Variants in GRIA4 observed in about 807,000 individuals in gnomAD.
GRIA4 encodes glutamate receptor 4.
GRIA4 carries 34 observed loss-of-function variants against 104.0 expected under a neutral mutation model. The ratio of observed to expected loss-of-function variants is 0.33; its 90% CI spans 0.25 to 0.44. The LOEUF is 0.44. Among genes scored for constraint, GRIA4 ranks in the 20% least tolerant of loss-of-function variants. The pLI is 1.00. For synonymous variants in GRIA4, 386 were observed against 381.9 expected, an observed-to-expected ratio of 1.01 and a Z score of -0.13; for missense variants, 750 against 1,096.5, an observed-to-expected ratio of 0.68 and a Z score of 4.46.
rs533423091 is a variant in GRIA4, at chr11:105,815,603, C to T, written c.488-46421C>T. Among the ~76,000 whole-genome samples, 43 of 151,788 alleles carry T rather than the reference C, an allele frequency of 2.8e-4. 1 individual carries two copies. The East Asian group carries it at 7.2e-3, about 25-fold the overall frequency. ...TTGATGCCGCTCCAGCTGTTACTGCCGAAAGCTGAGTGCAAAACTTTTAAA... is the reference window on the plus strand; with the variant it reads ...TTGATGCCGCTCCAGCTGTTACTGCTGAAAGCTGAGTGCAAAACTTTTAAA... On this transcript the variant is annotated intron_variant, in intron 4 of 16. Transcript: ENST00000282499.
chr11:105,627,282 T>C (rs1950910826), intron 3 of GRIA4, among the ~76,000 whole-genome samples: 3 of 150,316 alleles, frequency 2.0e-5, no homozygotes, highest in African/African-American at 7.4e-5. Flanking sequence ...GAGAATAGAG[T>C]AGGGGTAGGG....
intron 4 of GRIA4, among the ~76,000 whole-genome samples, chr11:105,767,827 G>A (rs1470683423): frequency 6.6e-6 from 1 of 152,124 alleles, no homozygotes; most frequent in Non-Finnish European, 1.5e-5. Flanking sequence ...CACACAGGGA[G>A]TGGCAGTTCC....
chr11:105,965,335 T>C (rs1220068895), intron 14 of GRIA4, among the ~76,000 whole-genome samples: 5 of 97,968 alleles, frequency 5.1e-5, no homozygotes, highest in African/African-American at 1.9e-4. Context: ...AATTTAGATG[T>C]AAGAATTTTT....
At chr11:105,700,224 C>A (rs1212616642) in intron 3 of GRIA4, among the ~76,000 whole-genome samples, 1 of 152,182 alleles carries the variant, frequency 6.6e-6, no homozygotes, top group Non-Finnish European at 1.5e-5. Flanking sequence ...TGATGTGATG[C>A]ATTAATTATG....
At chr11:105,782,367 C>T (rs1210228225) in intron 4 of GRIA4, among the ~76,000 whole-genome samples, 1 of 152,174 alleles carries the variant, frequency 6.6e-6, no homozygotes, top group African/African-American at 2.4e-5. Flanking sequence ...AAATCCTCAG[C>T]TTCTCTGAGA....
intron 4 of GRIA4, among the ~76,000 whole-genome samples, chr11:105,808,715 G>A (rs1004568061): frequency 6.6e-6 from 1 of 151,990 alleles, no homozygotes; most frequent in African/African-American, 2.4e-5. Flanking sequence ...TGGCTAACCT[G>A]TCTCACAAGT....
intron 3 of GRIA4, among the ~76,000 whole-genome samples, chr11:105,724,713 C>A (rs1938083134): frequency 6.6e-6 from 1 of 152,054 alleles, no homozygotes; most frequent in African/African-American, 2.4e-5. Context: ...GAAGAATACA[C>A]TAAAAGCCAA....
At chr11:105,687,546 T>C (rs909220395) in intron 3 of GRIA4, among the ~76,000 whole-genome samples, 1 of 152,172 alleles carries the variant, frequency 6.6e-6, no homozygotes, top group Non-Finnish European at 1.5e-5. Context: ...CTTGGACATA[T>C]CAGGACTTGG....
chr11:105,782,740 C>A (rs1391701861), intron 4 of GRIA4, among the ~76,000 whole-genome samples: 1 of 152,148 alleles, frequency 6.6e-6, no homozygotes, highest in Non-Finnish European at 1.5e-5. Flanking sequence ...CACCAAGGAA[C>A]TGCCTCTTCC....
chr11:105,852,939 AAAGCCAGATCC>A (rs1944870790), intron 4 of GRIA4, among the ~76,000 whole-genome samples: 2 of 148,808 alleles, frequency 1.3e-5, no homozygotes, highest in Non-Finnish European at 3.0e-5. Flanking sequence ...TTTGTGTATA[AAAGCCAGATCC>A]AAATTAATAT....
intron 6 of GRIA4, among the ~76,000 whole-genome samples, chr11:105,897,274 T>G (rs1946683733): frequency 6.6e-6 from 1 of 152,162 alleles, no homozygotes; most frequent in South Asian, 2.1e-4. Flanking sequence ...ATCTTGAAAT[T>G]TTACTGCAAT....
intron 13 of GRIA4, among the ~76,000 whole-genome samples, chr11:105,933,080 A>AT (rs34728006): frequency 3.1e-5 from 4 of 127,188 alleles, no homozygotes; most frequent in Admixed American, 9.7e-5. Context: ...CTTTAAAAAA[A>AT]TTTTTTTTTT....
At chr11:105,727,316 C>G (rs1283402760) in intron 3 of GRIA4, among the ~76,000 whole-genome samples, 1 of 151,830 alleles carries the variant, frequency 6.6e-6, no homozygotes, top group Non-Finnish European at 1.5e-5. Context: ...TTAAATAAAG[C>G]ATGAAGACAA....
Position 105,969,188 on chromosome 11 carries a change from A to T in GRIA4, c.2295-2726A>T, listed in dbSNP as rs1858552637. On this transcript the variant is annotated intron_variant, in intron 14 of 16. Transcript: ENST00000282499. ...CATTTCTGACTTTGATAGATGCTAT[A>T]CTTACAAATAAGCCACTTTCCTCTA... Among the ~76,000 whole-genome samples the T allele has an allele frequency of 2.0e-5, 3 of 152,202 alleles. No homozygotes were observed. In the South Asian group the frequency reaches 6.2e-4, roughly 32 times the overall value.
chr11:105,642,149 C>T (rs2135351641), intron 3 of GRIA4, among the ~76,000 whole-genome samples: 1 of 152,232 alleles, frequency 6.6e-6, no homozygotes, highest in African/African-American at 2.4e-5. Context: ...CCCCCAAATA[C>T]AGTCACATTC....
chr11:105,960,691 G>A (rs983371935), intron 14 of GRIA4, among the ~76,000 whole-genome samples: 2 of 152,232 alleles, frequency 1.3e-5, no homozygotes, highest in African/African-American at 4.8e-5. Flanking sequence ...GGTTCAAGCA[G>A]ATTCCAGCTG....
chr11:105,910,351 C>T (rs1947192034), intron 9 of GRIA4, 84 bp from the exon 10 acceptor site: 3 of 666,192 alleles, frequency 4.5e-6, no homozygotes, highest in Admixed American at 2.4e-5. Context: ...TGTTTGCTTA[C>T]CTATTCATAC....
At chr11:105,971,139 C>T (rs1466710683) in intron 14 of GRIA4, among the ~76,000 whole-genome samples, 2 of 152,096 alleles carry the variant, frequency 1.3e-5, no homozygotes, top group African/African-American at 4.8e-5. Context: ...ATAGTCACTT[C>T]ACCTTGTACT....
intron 4 of GRIA4, among the ~76,000 whole-genome samples, chr11:105,816,639 T>C (rs1943387888): frequency 6.6e-6 from 1 of 152,136 alleles, no homozygotes; most frequent in South Asian, 2.1e-4. Flanking sequence ...AATGCAACAA[T>C]GGCCTAATAC....
Sources: allele counts gnomAD v4.1 joint callset (sites outside exome capture counted in the v4.1 genomes callset), GRCh38; gene constraint gnomAD v4.1.1; transcripts MANE v1.5; gene names NCBI Gene and HGNC (gene_info 2026-07-23, HGNC 2026-07-21).